The following UBE2W variants were observed in gnomAD, a reference collection of about 807,000 sequenced individuals.
The protein encoded by UBE2W is ubiquitin-conjugating enzyme E2 W.
UBE2W carries 18 observed loss-of-function variants against 27.2 expected under a neutral mutation model. The ratio of observed to expected loss-of-function variants is 0.66; its 90% confidence interval spans 0.46 to 0.98. The LOEUF (loss-of-function observed/expected upper bound fraction) is 0.98. Ranked by LOEUF, UBE2W falls within the 50% of genes least tolerant of loss-of-function variation. The pLI, the probability that UBE2W is intolerant of heterozygous loss-of-function variation, is 0.00. For synonymous variants in UBE2W, 53 were observed against 57.2 expected, an observed-to-expected ratio of 0.93 and a Z score of 0.33; for missense variants, 90 against 180.2, an observed-to-expected ratio of 0.50 and a Z score of 2.87.
At position 73,825,156 on chromosome 8, in the gene UBE2W, G is replaced by C. The variant is rs1809784917; in HGVS notation, c.201C>G (p.Asp67Glu). The C allele has an allele frequency of 6.4e-7, 1 of 1,551,840 alleles. No individual in the cohort carries two copies. The highest frequency in any genetic ancestry group is 2.0e-5 in the Admixed American group (1 of 50,576). ...AAAGCAAGGCAATTACCTGAGGAGA[G>C]TCAAAAGGATATCGACTACTAAATT... is the stretch of plus-strand genomic sequence containing the variant. ...LFKFSSRYPF[D>E]SPQVMFTGEN... The change falls in exon 3 of 6, where the codon GAC becomes GAG. Residue 67 changes from aspartate to glutamate, a missense_variant. Transcript: ENST00000602593.
chr8:73,819,268 C>A (rs987917618), intron 3 of UBE2W, among the ~76,000 whole-genome samples: 6 of 152,170 alleles, frequency 3.9e-5, no homozygotes, highest in Non-Finnish European at 8.8e-5. Context: ...CTACTCGTTG[C>A]TTACTGTCTC....
Position 73,787,694 on chromosome 8 carries a change from T to C in UBE2W, c.*6408A>G, listed in dbSNP as rs1808014670. Reference sequence around the variant, plus strand: ...CTTCTTGTGGTTATTTCTTTCCTCTTCTTGCAGCTTCAAGAGTCACTCATT... The same window carrying C: ...CTTCTTGTGGTTATTTCTTTCCTCTCCTTGCAGCTTCAAGAGTCACTCATT... On this transcript the variant is annotated 3_prime_UTR_variant, in exon 6 of 6. Coordinates refer to ENST00000602593, the MANE Select transcript of UBE2W (RefSeq NM_018299.6). The C allele has an allele frequency of 1.0e-5, 10 of 985,298 alleles. No homozygotes were observed. The highest frequency in any genetic ancestry group is 1.2e-5 in the Non-Finnish European group (10 of 829,948). 61.0% of individuals were successfully genotyped at this position (985,298 alleles called of 1,614,324 possible).
intron 4 of UBE2W, among the ~76,000 whole-genome samples, chr8:73,780,696 AT>A (rs1297917422): frequency 2.6e-5 from 4 of 151,418 alleles, no homozygotes; most frequent in Non-Finnish European, 5.9e-5. Context: ...ATTTGTTTGT[AT>A]TTTTTTTGTA....
At chr8:73,875,067 A>C (rs1313137439) in intron 1 of UBE2W, among the ~76,000 whole-genome samples, 3 of 152,240 alleles carry the variant, frequency 2.0e-5, no homozygotes, top group Admixed American at 1.3e-4. Flanking sequence ...TTAAAACATA[A>C]TTTAACTGTA....
chr8:73,793,283 C>G lies in UBE2W; in HGVS notation c.*819G>C. The G allele has an allele frequency of 1.0e-6, 1 of 985,790 alleles. No homozygotes were observed. The highest frequency in any genetic ancestry group is 1.2e-6 in the Non-Finnish European group (1 of 829,896). 61.1% of individuals were successfully genotyped at this position (985,790 alleles called of 1,614,324 possible). A position where few individuals can be genotyped will look rare whatever the true frequency, so the allele number is the denominator to read the frequency against. On this transcript the variant is annotated 3_prime_UTR_variant, in exon 6 of 6. Transcript: ENST00000602593. ...AACAAGCCCAAATTATGGACTGCAG[C>G]AATTTAATCATCACTGCCATTTTTC... is the stretch of plus-strand genomic sequence containing the variant.
intron 1 of UBE2W, among the ~76,000 whole-genome samples, chr8:73,837,510 T>C (rs1295336732): frequency 6.6e-6 from 1 of 151,664 alleles, no homozygotes; most frequent in Non-Finnish European, 1.5e-5. Flanking sequence ...GAGACTCTTG[T>C]CTTAAAAAAA....
chr8:73,826,456 C>A (rs1038904624), intron 2 of UBE2W, among the ~76,000 whole-genome samples: 2 of 152,104 alleles, frequency 1.3e-5, no homozygotes, highest in Non-Finnish European at 2.9e-5. Flanking sequence ...TACAAGAAAA[C>A]AAAAGGAAGA....
At chr8:73,823,154 A>G (rs529345758) in intron 3 of UBE2W, among the ~76,000 whole-genome samples, 22 of 152,318 alleles carry the variant, frequency 1.4e-4, no homozygotes, top group Admixed American at 1.4e-3. Flanking sequence ...AAGAACCTGG[A>G]TAACACCAAT....
intron 1 of UBE2W, among the ~76,000 whole-genome samples, chr8:73,849,558 A>G (rs1426277674): frequency 2.0e-5 from 3 of 150,628 alleles, no homozygotes; most frequent in African/African-American, 7.3e-5. Flanking sequence ...GTAACTTCCA[A>G]ACTAGTAGAG....
chr8:73,818,375 T>A (rs1809477529), intron 3 of UBE2W, among the ~76,000 whole-genome samples: 1 of 152,220 alleles, frequency 6.6e-6, no homozygotes, highest in Non-Finnish European at 1.5e-5. Context: ...ACGGCCTATC[T>A]GATCTCCCTG....
chr8:73,818,609 T>C (rs369440765), intron 3 of UBE2W, among the ~76,000 whole-genome samples: 168 of 152,328 alleles, frequency 1.1e-3, no homozygotes, highest in African/African-American at 3.5e-3. Context: ...GTTTGGATGT[T>C]TGTCCCCTCC....
In UBE2W at chr8:73,791,878, T is replaced by A. The variant is rs1808217149; in HGVS notation, c.*2224A>T. 7.1e-6 allele frequency: 7 copies of A among 984,258 alleles called. No homozygotes were observed. The highest frequency in any genetic ancestry group is 8.4e-6 in the Non-Finnish European group (7 of 828,988). 61.0% of individuals were successfully genotyped at this position (984,258 alleles called of 1,614,324 possible). On this transcript the variant is annotated 3_prime_UTR_variant, in exon 6 of 6. Transcript: ENST00000602593. The stretch of plus-strand genomic sequence containing the variant: ...TGGTATTTATATGTAGAGAGAGAGG[T>A]ATGTTAAAATATTGTCATAAAAAAC...
At chr8:73,857,637 G>A (rs1015996478) in intron 1 of UBE2W, among the ~76,000 whole-genome samples, 6 of 151,980 alleles carry the variant, frequency 3.9e-5, no homozygotes, top group African/African-American at 1.5e-4. Context: ...CCAATATAGT[G>A]AAATCCTGTC....
intron 4 of UBE2W, among the ~76,000 whole-genome samples, chr8:73,809,082 G>C (rs1809041496): frequency 6.6e-6 from 1 of 152,096 alleles, no homozygotes. Context: ...AGAAGGCCTT[G>C]TACCCACAAA....
In UBE2W at chr8:73,788,356, C is replaced by T; in HGVS notation, c.*5746G>A. ...AATCCTCAAGCATGAGCTTTCATTC[C>T]TATTAATAAAATGCACACTCTGTAG... is the stretch of plus-strand genomic sequence containing the variant. On this transcript the variant is annotated 3_prime_UTR_variant, in exon 6 of 6. Coordinates refer to ENST00000602593, the MANE Select transcript of UBE2W (RefSeq NM_018299.6). The T allele has an allele frequency of 1.9e-5, 19 of 985,396 alleles. No homozygotes were observed. The highest frequency in any genetic ancestry group is 2.2e-5 in the Non-Finnish European group (18 of 829,932). 61.0% of individuals were successfully genotyped at this position (985,396 alleles called of 1,614,324 possible). A position where few individuals can be genotyped will look rare whatever the true frequency, so the allele number is the denominator to read the frequency against.
chr8:73,787,160 G>A lies in UBE2W; in HGVS notation c.*6942C>T, dbSNP rs981483552. ...CAAACATTAAAAATAAATCTTACAGGCAACTAAAAAAATGGTTGAAAGGGG... is the reference window on the plus strand; with the variant it reads ...CAAACATTAAAAATAAATCTTACAGACAACTAAAAAAATGGTTGAAAGGGG... On this transcript the variant is annotated 3_prime_UTR_variant, in exon 6 of 6. Transcript: ENST00000602593. 6.7e-5 allele frequency: 66 copies of A among 985,258 alleles called. No homozygotes were observed. The highest frequency in any genetic ancestry group is 8.0e-5 in the Non-Finnish European group (66 of 829,938). The allele number at this position is 985,258 out of a possible 1,614,324, so 61.0% of individuals were successfully genotyped here. A position where few individuals can be genotyped will look rare whatever the true frequency, so the allele number is the denominator to read the frequency against.
intron 2 of UBE2W, among the ~76,000 whole-genome samples, chr8:73,829,405 G>A (rs1483071818): frequency 6.6e-6 from 1 of 152,058 alleles, no homozygotes; most frequent in Non-Finnish European, 1.5e-5. Context: ...AAAAGAGTCA[G>A]TTTCATTTGT....
At chr8:73,781,655 C>A (rs1250649325), downstream of UBE2W, among the ~76,000 whole-genome samples, 1 of 143,144 alleles carries the variant, frequency 7.0e-6, no homozygotes, top group Non-Finnish European at 1.5e-5. Context: ...AACAGTGTCT[C>A]GTTCTGTCAT....
intron 1 of UBE2W, chr8:73,870,262 CACTT>C: frequency 3.8e-6 from 6 of 1,585,820 alleles, no homozygotes; most frequent in Non-Finnish European, 5.2e-6. Context: ...AAAAAACACA[CACTT>C]ACTGGAAACC....
Sources: gnomAD v4.1 joint callset for allele counts (sites outside exome capture counted in the v4.1 genomes callset) on GRCh38, gnomAD v4.1.1 for gene constraint, MANE v1.5 for transcripts, NCBI Gene and HGNC (gene_info 2026-07-23, HGNC 2026-07-21) for gene names.